Variants in PCDHA6 observed in about 807,000 individuals in gnomAD.
PCDHA6 encodes the protein protocadherin alpha-6.
Under a neutral mutation model 60.3 loss-of-function variants are expected in PCDHA6, and 55 were observed. That is an observed-to-expected ratio of 0.91 (90% CI 0.73 to 1.14). PCDHA6 has a LOEUF of 1.14. PCDHA6 is among the 50% of genes most tolerant of loss of function. The pLI, the probability that PCDHA6 is intolerant of heterozygous loss-of-function variation, is 0.00. For synonymous variants in PCDHA6, 652 were observed against 557.9 expected, an observed-to-expected ratio of 1.17 and a Z score of -2.38; for missense variants, 1,327 against 1,256.5, an observed-to-expected ratio of 1.06 and a Z score of -0.85.
intron 1 of PCDHA6, chr5:140,966,538 C>G: frequency 2.2e-6 from 1 of 463,262 alleles, no homozygotes; most frequent in Non-Finnish European, 3.7e-6. Flanking sequence ...GGTTGAGCGA[C>G]TCGGAGGCGA....
At position 140,843,615 on chromosome 5, in the gene PCDHA6, C is replaced by G. The variant is rs111750019; in HGVS notation, c.2394+13130C>G. ...AGGGTGTGCTCTGGTGAGGGGCCAC[C>G]GAAGACGGACCTCATGGCCTTCAGC... On this transcript the variant is annotated intron_variant, in intron 1 of 3. Coordinates refer to ENST00000529310, the MANE Select transcript of PCDHA6 (RefSeq NM_018909.4). The G allele has an allele frequency of 2.1e-5, 33 of 1,595,902 alleles. 4 individuals are homozygous for G. Among genetic ancestry groups the G allele is most frequent in the Middle Eastern group, 3.3e-4 (2 of 6,016 alleles).
chr5:140,857,560 G>C, intron 1 of PCDHA6: 1 of 1,596,914 alleles, frequency 6.3e-7, no homozygotes, highest in Non-Finnish European at 8.6e-7. Flanking sequence ...GCTCGCTGTC[G>C]AGCTACGTGT....
At chr5:140,870,461 C>G in intron 1 of PCDHA6, 2 of 1,614,246 alleles carry the variant, frequency 1.2e-6, no homozygotes, top group Admixed American at 3.3e-5. Context: ...AATGCGCCTG[C>G]GTTCGCACAG....
intron 1 of PCDHA6, among the ~76,000 whole-genome samples, chr5:140,959,927 C>A (rs1554224406): frequency 6.6e-6 from 1 of 152,038 alleles, no homozygotes; most frequent in African/African-American, 2.4e-5. Flanking sequence ...TTGTAAAGCC[C>A]CATTACTTAG....
intron 1 of PCDHA6, among the ~76,000 whole-genome samples, chr5:140,906,958 G>A (rs1220105162): frequency 1.3e-5 from 2 of 152,124 alleles, no homozygotes; most frequent in Non-Finnish European, 2.9e-5. Flanking sequence ...CAGTTTAATG[G>A]AATCGTGGTT....
At chr5:140,846,552 T>G (rs1445405487) in intron 1 of PCDHA6, among the ~76,000 whole-genome samples, 2 of 148,312 alleles carry the variant, frequency 1.3e-5, no homozygotes, top group African/African-American at 4.9e-5. Context: ...TTTTTTGTAT[T>G]TTTAGTAGAG....
intron 1 of PCDHA6, chr5:140,884,394 G>A (rs2060142596): frequency 3.7e-6 from 6 of 1,613,880 alleles, no homozygotes; most frequent in East Asian, 2.2e-5. Flanking sequence ...GCGGTGTCCA[G>A]CCTGTTGGTG....
chr5:140,993,270 G>A (rs190721014), intron 3 of PCDHA6, among the ~76,000 whole-genome samples: 360 of 151,912 alleles, frequency 2.4e-3, no homozygotes, highest in African/African-American at 8.3e-3. Context: ...AGCTTCTTTG[G>A]TCTTTTCTTG....
intron 1 of PCDHA6, chr5:140,871,090 A>G (rs782465793): frequency 1.2e-6 from 2 of 1,613,254 alleles, no homozygotes; most frequent in South Asian, 1.1e-5. Flanking sequence ...GGCCACGGCC[A>G]CCGTGCTGGT....
Position 141,010,119 on chromosome 5 carries a change from A to G in PCDHA6, c.*182A>G. 6.2e-7 allele frequency: 1 copy of G among 1,608,062 alleles called. No homozygotes were observed. On this transcript the variant is annotated 3_prime_UTR_variant, in exon 4 of 4. Transcript: ENST00000529310. ...TAACAGGTTTTGTCGTAAAAGCTTT[A>G]CTAAGTCTGGTGTTAACTCTTTCTC...
At chr5:141,006,837 TG>T (rs1477008780) in intron 3 of PCDHA6, among the ~76,000 whole-genome samples, 2 of 152,186 alleles carry the variant, frequency 1.3e-5, no homozygotes, top group African/African-American at 4.8e-5. Context: ...TGTAATTTAC[TG>T]AAACTGGAAA....
At chr5:140,876,861 C>A in intron 1 of PCDHA6, 2 of 1,614,088 alleles carry the variant, frequency 1.2e-6, no homozygotes, top group Non-Finnish European at 1.7e-6. Flanking sequence ...ACACAGTGTT[C>A]GTGAAGGAGA....
chr5:140,914,815 GACTGCATAAACAAAAAACAAACACACAA>G (rs2076856567), intron 1 of PCDHA6, among the ~76,000 whole-genome samples: 1 of 151,986 alleles, frequency 6.6e-6, no homozygotes, highest in Non-Finnish European at 1.5e-5. Context: ...CAACTTAACA[GACTGCATAAACAAAAAACAAACACACAA>G]AAGGAAGACT....
At chr5:140,830,730 G>A (rs1403638856) in intron 1 of PCDHA6, 1 of 211,824 alleles carries the variant, frequency 4.7e-6, no homozygotes, top group African/African-American at 2.3e-5. Context: ...AAATATTCTT[G>A]GATATGTCGT....
At chr5:140,853,917 C>A (rs2042908511) in intron 1 of PCDHA6, 1 of 942,718 alleles carries the variant, frequency 1.1e-6, no homozygotes, top group Non-Finnish European at 1.3e-6. Flanking sequence ...ACCTGCAATC[C>A]CAACATTTTG....
Position 140,882,649 on chromosome 5 carries a change from C to G in PCDHA6, c.2394+52164C>G, listed in dbSNP as rs559940161. The G allele has an allele frequency of 3.7e-6, 6 of 1,614,096 alleles. No homozygotes were observed. In the Admixed American group the frequency reaches 1.0e-4, roughly 27 times the overall value. On this transcript the variant is annotated intron_variant, in intron 1 of 3. Coordinates refer to ENST00000529310, the MANE Select transcript of PCDHA6 (RefSeq NM_018909.4). ...TGGAGGTGAAGGTGAGGGACATTAACGACAACCCGCCCATATTCCCTGAAA... is the reference window on the plus strand; with the variant it reads ...TGGAGGTGAAGGTGAGGGACATTAAGGACAACCCGCCCATATTCCCTGAAA...
Position 140,838,464 on chromosome 5 carries a change from C to T in PCDHA6, c.2394+7979C>T, listed in dbSNP as rs2150289742. Among the ~76,000 whole-genome samples the T allele has an allele frequency of 1.1e-4, 16 of 151,566 alleles. 1 individual carries two copies. In the South Asian group the frequency reaches 2.5e-3, roughly 24 times the overall value. ...GTTTTGTGGCATATTATTTCATTAG[C>T]GCTTATTCCTTGTTTTTGATTATTT... is the stretch of plus-strand genomic sequence containing the variant. On this transcript the variant is annotated intron_variant, in intron 1 of 3. Coordinates refer to ENST00000529310, the MANE Select transcript of PCDHA6 (RefSeq NM_018909.4).
chr5:140,869,999 G>A, intron 1 of PCDHA6: 1 of 1,613,514 alleles, frequency 6.2e-7, no homozygotes, highest in Non-Finnish European at 8.5e-7. Context: ...CAAAATAATG[G>A]AGAAGTGAGG....
At chr5:141,007,019 A>G (rs1230035062) in intron 3 of PCDHA6, among the ~76,000 whole-genome samples, 1 of 152,192 alleles carries the variant, frequency 6.6e-6, no homozygotes, top group African/African-American at 2.4e-5. Flanking sequence ...CAGCTTATTC[A>G]TATGGTATTT....
Sources: allele counts gnomAD v4.1 joint callset (sites outside exome capture counted in the v4.1 genomes callset), GRCh38; gene constraint gnomAD v4.1.1; transcripts MANE v1.5; gene names NCBI Gene and HGNC (gene_info 2026-07-23, HGNC 2026-07-21).